Variants in LPIN2 observed in about 807,000 individuals in gnomAD.
LPIN2 encodes the protein lipin 2, also known as phosphatidate phosphatase LPIN2.
A neutral mutation model predicts 111.4 loss-of-function variants in LPIN2; 55 were observed. The observed-to-expected ratio is 0.49, with a 90% CI of 0.40 to 0.62. The LOEUF (loss-of-function observed/expected upper bound fraction) is 0.62, where lower values mean the gene tolerates loss of function less well. LPIN2 is among the 20% of genes least tolerant of loss of function. LPIN2 has a pLI of 0.00. For missense variants in LPIN2, 992 were observed against 1,112.1 expected (o/e 0.89, Z 1.54); for synonymous variants, 425 against 414.0 (o/e 1.03, Z -0.32).
At chr18:2,977,553 T>C (rs112282266) in intron 1 of LPIN2, among the ~76,000 whole-genome samples, 18 of 152,226 alleles carry the variant, frequency 1.2e-4, no homozygotes, top group African/African-American at 4.3e-4. Flanking sequence ...GGCAGGAAAA[T>C]ACAAGATAAT....
chr18:2,946,761 G>A (rs2077458753), intron 4 of LPIN2: 3 of 514,288 alleles, frequency 5.8e-6, no homozygotes, highest in South Asian at 4.1e-5. Context: ...AGATAAGTGG[G>A]GCTGCTAACC....
intron 7 of LPIN2, among the ~76,000 whole-genome samples, chr18:2,937,284 C>G (rs1250051038): frequency 6.6e-6 from 1 of 152,058 alleles, no homozygotes; most frequent in Non-Finnish European, 1.5e-5. Context: ...TGGCTCACAC[C>G]TGTAATCCCA....
chr18:2,956,250 G>A (rs558773162), intron 2 of LPIN2, among the ~76,000 whole-genome samples: 2 of 151,614 alleles, frequency 1.3e-5, no homozygotes, highest in South Asian at 4.2e-4. Context: ...AGAAGCCTGC[G>A]ATGGTGGATG....
chr18:2,946,132 T>A (rs1048430595), intron 4 of LPIN2: 1 of 1,597,878 alleles, frequency 6.3e-7, no homozygotes. Context: ...CATTCCCTGA[T>A]GACAGTTTAA....
intron 1 of LPIN2, among the ~76,000 whole-genome samples, chr18:2,983,959 TGAG>T (rs1004810124): frequency 3.9e-5 from 6 of 152,152 alleles, no homozygotes; most frequent in African/African-American, 1.4e-4. Flanking sequence ...AAGGAAGAAC[TGAG>T]GACAACTGGA....
chr18:2,990,682 T>A, intron 1 of LPIN2: 1 of 282,726 alleles, frequency 3.5e-6, no homozygotes, highest in South Asian at 3.5e-5. Context: ...CATCCATGAC[T>A]CTCCATTTAT....
At chr18:2,982,619 G>T in intron 1 of LPIN2, 1 of 885,102 alleles carries the variant, frequency 1.1e-6, no homozygotes, top group Non-Finnish European at 1.6e-6. Context: ...GTAGTGTCCA[G>T]ATTGAGCAAG....
chr18:2,986,411 A>C (rs2078185697), intron 1 of LPIN2, among the ~76,000 whole-genome samples: 1 of 152,152 alleles, frequency 6.6e-6, no homozygotes, highest in African/African-American at 2.4e-5. Flanking sequence ...AAGAGAAAAA[A>C]CAAGGGAGGG....
intron 7 of LPIN2, among the ~76,000 whole-genome samples, chr18:2,936,444 G>A (rs991403800): frequency 6.6e-6 from 1 of 152,154 alleles, no homozygotes; most frequent in African/African-American, 2.4e-5. Flanking sequence ...CCAAGAGTTG[G>A]ATGTTTTCTC....
chr18:2,966,862 A>C (rs981293341), intron 1 of LPIN2, among the ~76,000 whole-genome samples: 2 of 152,194 alleles, frequency 1.3e-5, no homozygotes, highest in African/African-American at 4.8e-5. Context: ...GCTTTTACCA[A>C]AGAACATGCC....
intron 4 of LPIN2, chr18:2,946,289 T>C (rs1568551921): frequency 6.6e-7 from 1 of 1,526,600 alleles, no homozygotes; most frequent in Admixed American, 1.7e-5. Flanking sequence ...AGATAGTTCC[T>C]TCTCCTCAGT....
chr18:2,945,776 T>C (rs2077441924), intron 4 of LPIN2: 1 of 1,253,644 alleles, frequency 8.0e-7, no homozygotes, highest in African/African-American at 1.5e-5. Context: ...TTGCTTCTAC[T>C]CGACTAAGTT....
At chr18:2,921,882 T>C (rs2077059596) in intron 17 of LPIN2, among the ~76,000 whole-genome samples, 165 bp downstream of exon 17, 1 of 152,374 alleles carries the variant, frequency 6.6e-6, no homozygotes, top group South Asian at 2.1e-4. Flanking sequence ...GCCCGCCACA[T>C]GGCAAGTGAG....
At position 2,937,837 on chromosome 18, in the gene LPIN2, A is replaced by G; in HGVS notation, c.1023T>C (p.Ser341=). The change falls in exon 7 of 20, where the codon TCT becomes TCC. Residue 341 remains serine, a synonymous_variant. Transcript: ENST00000677752. The part of the protein sequence containing the change: ...ALGTQMSDPT[S]VAELLEPPLE... ...GAGGAGGTTCGAGAAGCTCTGCCACAGATGTTGGGTCGCTCATCTGTGTAC... is the reference window on the plus strand; with the variant it reads ...GAGGAGGTTCGAGAAGCTCTGCCACGGATGTTGGGTCGCTCATCTGTGTAC... 1 of 1,614,138 alleles carries G rather than the reference A, an allele frequency of 6.2e-7. No homozygotes were observed. Among genetic ancestry groups the G allele is most frequent in the Non-Finnish European group, 8.5e-7 (1 of 1,180,028 alleles).
chr18:2,938,113 G>T, intron 6 of LPIN2, 76 bp from the exon 7 acceptor site: 1 of 1,113,494 alleles, frequency 9.0e-7, no homozygotes, highest in Non-Finnish European at 1.3e-6. Context: ...AGCTGGCAAT[G>T]TGTTCATTCT....
rs767591676 is a variant in LPIN2, at chr18:2,937,687, A to G, written c.1168+5T>C. 6.2e-7 allele frequency: 1 copy of G among 1,613,228 alleles called. No individual in the cohort carries two copies. On this transcript the variant is annotated splice_donor_5th_base_variant and intron_variant, in intron 7 of 19. Transcript: ENST00000677752. Reference sequence around the variant, plus strand: ...TACCTGGAGCCAAATTAAACAAACGATTACCTTTCTTCTTTGACGGCGAGT... The same window carrying G: ...TACCTGGAGCCAAATTAAACAAACGGTTACCTTTCTTCTTTGACGGCGAGT...
intron 2 of LPIN2, among the ~76,000 whole-genome samples, chr18:2,956,331 T>TGTGTGTGTGTGTGTGTGTGTGTGTGTGG (rs1468773132): frequency 6.7e-6 from 1 of 148,936 alleles, no homozygotes; most frequent in African/African-American, 2.6e-5. Context: ...TGTGTGTGTG[T>TGTGTGTGTGTGTGTGTGTGTGTGTGTGG]GTGTGTGTGT....
At chr18:2,931,148 G>A in intron 9 of LPIN2, 108 bp downstream of exon 9, 1 of 1,280,208 alleles carries the variant, frequency 7.8e-7, no homozygotes, top group South Asian at 1.3e-5. Context: ...ACCTGCACAA[G>A]ATCCCTAAAG....
At chr18:2,960,174 A>ATGTGTGTGTGTG (rs59457524) in intron 2 of LPIN2, among the ~76,000 whole-genome samples, 1,693 of 136,596 alleles carry the variant, frequency 0.012, 24 homozygotes, top group Admixed American at 0.025. Flanking sequence ...CGACTCAAAA[A>ATGTGTGTGTGTG]TGTGTGTGTG....
Sources: allele counts gnomAD v4.1 joint callset (sites outside exome capture counted in the v4.1 genomes callset), GRCh38; gene constraint gnomAD v4.1.1; transcripts MANE v1.5; gene names NCBI Gene and HGNC (gene_info 2026-07-23, HGNC 2026-07-21).